The following CNTNAP2 variants were observed in gnomAD, a reference collection of about 807,000 sequenced individuals.
CNTNAP2 encodes contactin-associated protein-like 2.
Under a neutral mutation model 155.2 loss-of-function variants are expected in CNTNAP2, and 98 were observed. The ratio of observed to expected loss-of-function variants is 0.63; its 90% confidence interval spans 0.54 to 0.75. CNTNAP2 has a LOEUF of 0.75. CNTNAP2 is among the 30% of genes least tolerant of loss of function. The probability of loss-of-function intolerance (pLI) is 0.00; values close to 1 mark genes in which losing one functional copy is unlikely to be tolerated. For missense variants in CNTNAP2, 1,727 were observed against 1,688.1 expected (o/e 1.02, Z -0.40); for synonymous variants, 651 against 631.2 (o/e 1.03, Z -0.47).
At chr7:146,583,708 T>A (rs1332333226) in intron 1 of CNTNAP2, among the ~76,000 whole-genome samples, 3 of 152,234 alleles carry the variant, frequency 2.0e-5, no homozygotes, top group Non-Finnish European at 4.4e-5. Flanking sequence ...TTAAGTGTAA[T>A]GCAATTTATA....
At chr7:147,448,790 T>C (rs563530832) in intron 10 of CNTNAP2, among the ~76,000 whole-genome samples, 2 of 152,240 alleles carry the variant, frequency 1.3e-5, no homozygotes, top group Non-Finnish European at 2.9e-5. Context: ...GTTAAATTGC[T>C]TTTTTAAAAT....
intron 1 of CNTNAP2, among the ~76,000 whole-genome samples, chr7:146,500,720 C>T (rs1797288491): frequency 1.3e-5 from 2 of 152,050 alleles, no homozygotes; most frequent in Admixed American, 1.3e-4. Context: ...ATTTAATTTT[C>T]TAGACTATTT....
intron 1 of CNTNAP2, among the ~76,000 whole-genome samples, chr7:146,399,058 T>C (rs1040832192): frequency 7.0e-6 from 1 of 143,352 alleles, no homozygotes; most frequent in African/African-American, 2.8e-5. Flanking sequence ...TTTCCTTTCT[T>C]TAAGAACGTT....
At chr7:147,531,247 C>T (rs765562298) in intron 11 of CNTNAP2, among the ~76,000 whole-genome samples, 5 of 152,172 alleles carry the variant, frequency 3.3e-5, no homozygotes, top group Non-Finnish European at 7.3e-5. Flanking sequence ...AGGATGGTGG[C>T]CCTCTTCTTA....
chr7:146,858,279 T>C (rs972083876), intron 3 of CNTNAP2, among the ~76,000 whole-genome samples: 3 of 152,198 alleles, frequency 2.0e-5, no homozygotes, highest in Non-Finnish European at 4.4e-5. Flanking sequence ...TGTGAAGATA[T>C]CAAAAAGAAC....
At chr7:147,581,588 C>T (rs891654465) in intron 12 of CNTNAP2, among the ~76,000 whole-genome samples, 12 of 152,162 alleles carry the variant, frequency 7.9e-5, no homozygotes, top group Non-Finnish European at 1.8e-4. Context: ...CCCATAAAGG[C>T]AGGTTCCAGT....
chr7:147,814,408 G>A (rs62482315), intron 13 of CNTNAP2, among the ~76,000 whole-genome samples: 1 of 152,072 alleles, frequency 6.6e-6, no homozygotes, highest in African/African-American at 2.4e-5. Flanking sequence ...CATCAAAATG[G>A]TGTAGCTGCA....
At chr7:147,130,176 G>A (rs1272172155) in intron 7 of CNTNAP2, among the ~76,000 whole-genome samples, 2 of 152,134 alleles carry the variant, frequency 1.3e-5, no homozygotes, top group African/African-American at 4.8e-5. Flanking sequence ...CACTGTGGGA[G>A]GCCAAGGCAG....
intron 3 of CNTNAP2, among the ~76,000 whole-genome samples, chr7:146,964,481 G>T (rs1797617685): frequency 6.6e-6 from 1 of 152,150 alleles, no homozygotes; most frequent in Non-Finnish European, 1.5e-5. Flanking sequence ...AGATCAATTT[G>T]TTAGCTGCAG....
At chr7:147,402,519 T>C (rs2116470402) in intron 10 of CNTNAP2, among the ~76,000 whole-genome samples, 1 of 152,294 alleles carries the variant, frequency 6.6e-6, no homozygotes, top group South Asian at 2.1e-4. Flanking sequence ...GTCCTGCTTC[T>C]GGAGAAACCC....
intron 1 of CNTNAP2, among the ~76,000 whole-genome samples, chr7:146,529,228 A>G (rs149964698): frequency 2.6e-5 from 4 of 152,334 alleles, no homozygotes; most frequent in African/African-American, 9.6e-5. Context: ...TTCAATATAA[A>G]TGTTTTCAAT....
chr7:147,306,021 CTCATGGGATTAGGTATCATCCTAA>C lies in CNTNAP2; in HGVS notation c.1498+5736_1498+5759del, dbSNP rs1292675531. Among the ~76,000 whole-genome samples the C allele has an allele frequency of 4.6e-5, 7 of 152,280 alleles. No individual in the cohort carries two copies. The East Asian group carries it at 1.4e-3, about 29-fold the overall frequency. The stretch of plus-strand genomic sequence containing the variant: ...TTTCCTTCCTCTGATAAGGACACCA[CTCATGGGATTAGGTATCATCCTAA>C]TCATTATCACCTCATCTTAACCTGA... On this transcript the variant is annotated intron_variant, in intron 9 of 23. Transcript: ENST00000361727.
intron 3 of CNTNAP2, among the ~76,000 whole-genome samples, chr7:147,010,537 A>C (rs1343512892): frequency 6.6e-6 from 1 of 152,180 alleles, no homozygotes; most frequent in Admixed American, 6.5e-5. Flanking sequence ...GCAGAAGTAC[A>C]TAGCAGTGAG....
intron 1 of CNTNAP2, among the ~76,000 whole-genome samples, chr7:146,191,289 C>A (rs1243116223): frequency 6.6e-6 from 1 of 152,002 alleles, no homozygotes; most frequent in Non-Finnish European, 1.5e-5. Flanking sequence ...GCAAAACCAG[C>A]AAGTTTGTAT....
intron 8 of CNTNAP2, among the ~76,000 whole-genome samples, chr7:147,138,616 T>C (rs967738996): frequency 3.3e-5 from 5 of 151,866 alleles, no homozygotes; most frequent in Admixed American, 1.3e-4. Context: ...TTTTCATCAA[T>C]AGAAGCATTA....
At chr7:148,016,261 T>C (rs1328696959) in intron 15 of CNTNAP2, among the ~76,000 whole-genome samples, 1 of 152,246 alleles carries the variant, frequency 6.6e-6, no homozygotes, top group Non-Finnish European at 1.5e-5. Flanking sequence ...TCCTGACTTC[T>C]GCATGGCGGT....
At chr7:148,220,731 C>T (rs1175907441) in intron 19 of CNTNAP2, among the ~76,000 whole-genome samples, 1 of 151,586 alleles carries the variant, frequency 6.6e-6, no homozygotes, top group Non-Finnish European at 1.5e-5. Flanking sequence ...ATGTCAAATG[C>T]TTTAATCAGA....
In CNTNAP2 at chr7:148,409,944, A is replaced by G. The variant is rs71532730; in HGVS notation, c.3796+473A>G. 1.9e-4 allele frequency among the ~76,000 whole-genome samples: 17 copies of G among 90,292 alleles called. 5 individuals carry two copies. Among genetic ancestry groups the G allele is most frequent in the Admixed American group, 5.1e-4 (6 of 11,680 alleles). 59.2% of individuals were successfully genotyped at this position (90,292 alleles called of 152,430 possible). A position where few individuals can be genotyped will look rare whatever the true frequency, so the allele number is the denominator to read the frequency against. On this transcript the variant is annotated intron_variant, in intron 23 of 23. Transcript: ENST00000361727. ...CGGGCGCCTGTAGTCCCAGCTACTCAGGAGGCTGAGGCAGGAGAATGGCGT... is the reference window on the plus strand; with the variant it reads ...CGGGCGCCTGTAGTCCCAGCTACTCGGGAGGCTGAGGCAGGAGAATGGCGT...
intron 8 of CNTNAP2, among the ~76,000 whole-genome samples, chr7:147,225,784 AAGGAAGG>A (rs1803512010): frequency 7.8e-5 from 10 of 128,844 alleles, no homozygotes; most frequent in Non-Finnish European, 1.2e-4. Flanking sequence ...GGAAGGAAGG[AAGGAAGG>A]AAGGAAGGAA....
Sources: gnomAD v4.1 joint callset for allele counts (sites outside exome capture counted in the v4.1 genomes callset) on GRCh38, gnomAD v4.1.1 for gene constraint, MANE v1.5 for transcripts, NCBI Gene and HGNC (gene_info 2026-07-23, HGNC 2026-07-21) for gene names.